The following C9orf152 variants were observed in gnomAD, a reference collection of about 807,000 sequenced individuals.
The protein encoded by C9orf152 is chromosome 9 open reading frame 152.
A neutral mutation model predicts 8.5 loss-of-function variants in C9orf152; 8 were observed. The observed-to-expected ratio is 0.94, with a 90% CI of 0.55 to 1.70. The LOEUF is 1.70. Among genes scored for constraint, C9orf152 ranks in the 40% most tolerant of loss-of-function variants. The pLI is 0.00. For synonymous variants in C9orf152, 109 were observed against 113.0 expected (o/e 0.96, Z 0.22); for missense variants, 293 against 286.2 (o/e 1.02, Z -0.17).
Position 110,207,757 on chromosome 9 carries a change from G to C in C9orf152, c.-178C>G, listed in dbSNP as rs144604644. ...GGAAGGAGAAAGATGAAGGGGAAGA[G>C]GAGGTAGGGATAGGGAGAAATGTGG... On this transcript the variant is annotated 5_prime_UTR_variant, in exon 1 of 2. Transcript: ENST00000400613. The C allele has an allele frequency of 1.2e-3, 650 of 535,258 alleles. 4 individuals carry two copies. Among genetic ancestry groups the C allele is most frequent in the African/African-American group, 0.011 (562 of 50,058 alleles). The allele number at this position is 535,258 out of a possible 1,614,324, so 33.2% of individuals were successfully genotyped here. A position where few individuals can be genotyped will look rare whatever the true frequency, so the allele number is the denominator to read the frequency against.
In C9orf152 at chr9:110,201,308, G is replaced by A. The variant is rs756175021; in HGVS notation, c.360C>T (p.His120=). 8 of 1,613,774 alleles carry A rather than the reference G, an allele frequency of 5.0e-6. No homozygotes were observed. The highest frequency in any genetic ancestry group is 3.3e-5 in the Admixed American group (2 of 59,998). ...TTTGGACCAAACAATGCATCTCCAG[G>A]TGCGTGTGCCATGGAGACTTGGGGG... The part of the protein sequence containing the change: ...LQAPKSPWHT[H]LEMHCLVQTS... Residue 120 remains histidine, a synonymous_variant, in exon 2 of 2, where the codon CAC becomes CAT. Transcript: ENST00000400613.
chr9:110,202,698 T>C (rs1256293137), intron 1 of C9orf152, among the ~76,000 whole-genome samples: 1 of 152,186 alleles, frequency 6.6e-6, no homozygotes, highest in African/African-American at 2.4e-5. Context: ...AAAGCAGGTG[T>C]GTGACCAGCT....
intron 1 of C9orf152, among the ~76,000 whole-genome samples, chr9:110,206,737 G>C (rs1837277341): frequency 6.6e-6 from 1 of 152,204 alleles, no homozygotes; most frequent in Non-Finnish European, 1.5e-5. Context: ...GACCTTTCAG[G>C]GTATCTTCCC....
In C9orf152 at chr9:110,200,211, AGAAG is replaced by A. The variant is rs59664011; in HGVS notation, c.*733_*736del. ...GGAAGGGAGGGAGGGAGGGAGAGAC[AGAAG>A]GAAGGAAGGAAGGAAGGAAGGAAGG... On this transcript the variant is annotated 3_prime_UTR_variant, in exon 2 of 2. Transcript: ENST00000400613. 4,656 of 137,034 alleles carry A rather than the reference AGAAG, an allele frequency of 0.034. 103 individuals are homozygous for A. Among genetic ancestry groups the A allele is most frequent in the Non-Finnish European group, 0.037 (2,404 of 64,702 alleles). 8.5% of individuals were successfully genotyped at this position (137,034 alleles called of 1,614,324 possible). A position where few individuals can be genotyped will look rare whatever the true frequency, so the allele number is the denominator to read the frequency against.
Position 110,207,864 on chromosome 9 carries a change from C to T in C9orf152, c.-285G>A, listed in dbSNP as rs915994344. The T allele has an allele frequency of 5.2e-6, 2 of 384,474 alleles. No homozygotes were observed. The highest frequency in any genetic ancestry group is 9.2e-6 in the Non-Finnish European group (2 of 216,448). 23.8% of individuals were successfully genotyped at this position (384,474 alleles called of 1,614,324 possible). On this transcript the variant is annotated 5_prime_UTR_variant, in exon 1 of 2. Transcript: ENST00000400613. ...AGAAGGGGCAGCGAAGGGGGAAAGA[C>T]TGGAGGAAGGAGGTGATAGTGACAA...
In C9orf152 at chr9:110,207,562, G is replaced by C. The variant is rs962218300; in HGVS notation, c.18C>G (p.Cys6Trp). 2 of 1,598,116 alleles carry C rather than the reference G, an allele frequency of 1.3e-6. No individual in the cohort carries two copies. Among genetic ancestry groups the C allele is most frequent in the African/African-American group, 1.4e-5 (1 of 73,888 alleles). Residue 6 changes from cysteine (C) to tryptophan (W), a missense_variant, in exon 1 of 2, where the codon TGC becomes TGG. Physicochemically the swap from Cys to Trp is radical, Grantham distance 215 (BLOSUM62 -2). Transcript: ENST00000400613. ...AGAAGTGGGGCAGGGCTGGGCACGG[G>C]CAGGGCAACCCCTCCATCCGGATCC... is the stretch of plus-strand genomic sequence containing the variant. MEGLP[C>W]PCPALPHFWQ...
rs1480920938 is a variant in C9orf152 at position 110,201,248 on chromosome 9, A to G, written c.420T>C (p.His140=). 1.9e-6 allele frequency: 3 copies of G among 1,614,018 alleles called. No homozygotes were observed. Among genetic ancestry groups the G allele is most frequent in the Admixed American group, 1.7e-5 (1 of 60,006 alleles). Residue 140 remains histidine (H), a synonymous_variant, in exon 2 of 2, where the codon CAT becomes CAC. Coordinates refer to ENST00000400613, the MANE Select transcript of C9orf152 (RefSeq NM_001012993.3). ...GATCAGATCCCACAAGCTTGCCCCT[A>G]TGATGTACTTGATGACTGGTGTCCT... ...SPQDTSHQVH[H]RGKLVGSDQR...
chr9:110,203,348 CATGTT>C (rs1170906737), intron 1 of C9orf152, among the ~76,000 whole-genome samples: 10 of 152,144 alleles, frequency 6.6e-5, no homozygotes, highest in Admixed American at 6.5e-4. Flanking sequence ...AAATATCCAA[CATGTT>C]ATGTACTTAT....
chr9:110,203,529 C>T (rs1441413459), intron 1 of C9orf152, among the ~76,000 whole-genome samples: 1 of 152,158 alleles, frequency 6.6e-6, no homozygotes, highest in Non-Finnish European at 1.5e-5. Flanking sequence ...TACACAGGGA[C>T]CCCACCCCAG....
chr9:110,206,575 C>A lies in C9orf152; in HGVS notation c.193+812G>T, dbSNP rs1019933277. Among the ~76,000 whole-genome samples, 3 of 152,178 alleles carry A rather than the reference C, an allele frequency of 2.0e-5. No individual in the cohort carries two copies. The East Asian group carries it at 5.8e-4, about 29-fold the overall frequency. On this transcript the variant is annotated intron_variant, in intron 1 of 1. Coordinates refer to ENST00000400613, the MANE Select transcript of C9orf152 (RefSeq NM_001012993.3). Reference sequence around the variant, plus strand: ...ATGGGCTCCTTCAGCTCAGAGGTGCCACTTTTGTTCCCAAAAGGCAGCACA... The same window carrying A: ...ATGGGCTCCTTCAGCTCAGAGGTGCAACTTTTGTTCCCAAAAGGCAGCACA...
At chr9:110,202,726 G>A (rs1837237392) in intron 1 of C9orf152, among the ~76,000 whole-genome samples, 1 of 152,148 alleles carries the variant, frequency 6.6e-6, no homozygotes, top group African/African-American at 2.4e-5. Flanking sequence ...CCTCAGAGGT[G>A]TCACTTAGGT....
chr9:110,200,188 AAGGG>A lies in C9orf152; in HGVS notation c.*756_*759del, dbSNP rs371025745. The A allele has an allele frequency of 8.4e-4, 106 of 126,112 alleles. 1 individual carries two copies. The highest frequency in any genetic ancestry group is 2.2e-3 in the African/African-American group (76 of 34,568). The allele number at this position is 126,112 out of a possible 1,614,324, so 7.8% of individuals were successfully genotyped here. On this transcript the variant is annotated 3_prime_UTR_variant, in exon 2 of 2. Coordinates refer to ENST00000400613, the MANE Select transcript of C9orf152 (RefSeq NM_001012993.3). ...GAAAGAAAGAAGGAAAGAAGGGAGG[AAGGG>A]AGGGAGGGAGGGAGAGACAGAAGGA...
At chr9:110,206,441 G>A (rs1254127430) in intron 1 of C9orf152, among the ~76,000 whole-genome samples, 1 of 152,208 alleles carries the variant, frequency 6.6e-6, no homozygotes, top group East Asian at 1.9e-4. Flanking sequence ...TAGAGCTTTA[G>A]GAACCTTTCA....
chr9:110,202,240 C>G lies in C9orf152; in HGVS notation c.194-766G>C, dbSNP rs573930508. ...GGATTACAAGGCACCTGCCACCATG[C>G]CTGACTACTTTTTGTATTTTTAGTA... On this transcript the variant is annotated intron_variant, in intron 1 of 1. Transcript: ENST00000400613. Among the ~76,000 whole-genome samples the G allele has an allele frequency of 1.4e-4, 22 of 152,284 alleles. No homozygotes were observed. In the South Asian group the frequency reaches 4.6e-3, roughly 32 times the overall value.
intron 1 of C9orf152, 44 bp from the exon 2 acceptor site, chr9:110,201,518 G>A (rs1028781766): frequency 6.7e-7 from 1 of 1,481,886 alleles, no homozygotes; most frequent in African/African-American, 1.4e-5. Context: ...GGAAGGGACA[G>A]GGGCGGCTCT....
At position 110,207,478 on chromosome 9, in the gene C9orf152, C is replaced by T. The variant is rs143508083; in HGVS notation, c.102G>A (p.Gly34=). The change falls in exon 1 of 2, where the codon GGG becomes GGA. Residue 34 remains glycine (G), a synonymous_variant. Coordinates refer to ENST00000400613, the MANE Select transcript of C9orf152 (RefSeq NM_001012993.3). ...EGSRTQAPGK[G]PPLSIQFLRA... ...GCAGGAACTGGATGCTGAGTGGGGG[C>T]CCTTTCCCAGGGGCCTGAGTCCTGG... 4.9e-5 allele frequency: 79 copies of T among 1,613,394 alleles called. No individual in the cohort carries two copies. Among genetic ancestry groups the T allele is most frequent in the Non-Finnish European group, 6.5e-5 (77 of 1,179,780 alleles).
At position 110,207,443 on chromosome 9, in the gene C9orf152, T is replaced by A. The variant is rs371157615; in HGVS notation, c.137A>T (p.Tyr46Phe). ...PLSIQFLRAQ[Y>F]EGLKRQQRTQ... The stretch of plus-strand genomic sequence containing the variant: ...CCTCTGCTGCCTCTTCAAGCCTTCA[T>A]ACTGGGCTCGCAGGAACTGGATGCT... The change falls in exon 1 of 2, where the codon TAT becomes TTT. Residue 46 changes from tyrosine (Y) to phenylalanine (F), a missense_variant. Tyr to Phe is a conservative substitution (Grantham distance 22). Transcript: ENST00000400613. 5 of 1,613,402 alleles carry A rather than the reference T, an allele frequency of 3.1e-6. No homozygotes were observed. In the Admixed American group the frequency reaches 5.0e-5, roughly 16 times the overall value.
In C9orf152 at chr9:110,200,087, A is replaced by G. The variant is rs1374976271; in HGVS notation, c.*861T>C. 1 of 149,422 alleles carries G rather than the reference A, an allele frequency of 6.7e-6. No individual in the cohort carries two copies. Among genetic ancestry groups the G allele is most frequent in the Admixed American group, 6.6e-5 (1 of 15,110 alleles). The allele number at this position is 149,422 out of a possible 1,614,324, so 9.3% of individuals were successfully genotyped here. A position where few individuals can be genotyped will look rare whatever the true frequency, so the allele number is the denominator to read the frequency against. On this transcript the variant is annotated 3_prime_UTR_variant, in exon 2 of 2. Transcript: ENST00000400613. ...TCGTCAATGATTGGCAGTTTTTAAT[A>G]AGAACTTAATTTGCAGAGAGAGAGA...
At position 110,207,644 on chromosome 9, in the gene C9orf152, AG is replaced by A. The variant is rs569095709; in HGVS notation, c.-66del. The A allele has an allele frequency of 2.0e-4, 245 of 1,243,670 alleles. 3 individuals are homozygous for A. The South Asian group carries it at 3.3e-3, about 17-fold the overall frequency. The allele number at this position is 1,243,670 out of a possible 1,614,324, so 77.0% of individuals were successfully genotyped here. A position where few individuals can be genotyped will look rare whatever the true frequency, so the allele number is the denominator to read the frequency against. On this transcript the variant is annotated 5_prime_UTR_variant, in exon 1 of 2. Coordinates refer to ENST00000400613, the MANE Select transcript of C9orf152 (RefSeq NM_001012993.3). ...GGACCTGGGGAGGGGAGAGAGAGGGAGGGGGCAGTGAGGGAGAAGGAGAAGT... is the reference window on the plus strand; with the variant it reads ...GGACCTGGGGAGGGGAGAGAGAGGGAGGGGCAGTGAGGGAGAAGGAGAAGT...
Sources: allele counts gnomAD v4.1 joint callset (sites outside exome capture counted in the v4.1 genomes callset), GRCh38; gene constraint gnomAD v4.1.1; transcripts MANE v1.5; gene names NCBI Gene and HGNC (gene_info 2026-07-23, HGNC 2026-07-21).